Variants in CAST observed in about 807,000 individuals in gnomAD.
CAST encodes MIR583 host.
In CAST, 76 loss-of-function variants were observed where a neutral mutation model predicts 119.6. That is an observed-to-expected ratio of 0.64 (90% CI 0.53 to 0.77). The LOEUF is 0.77. Ranked by LOEUF, CAST falls within the 30% of genes least tolerant of loss-of-function variation. The probability of loss-of-function intolerance (pLI) is 0.00; values close to 1 mark genes in which losing one functional copy is unlikely to be tolerated. For missense variants in CAST, 953 were observed against 946.5 expected, an observed-to-expected ratio of 1.01 and a Z score of -0.09; for synonymous variants, 319 against 331.6, an observed-to-expected ratio of 0.96 and a Z score of 0.41.
the CAST span, among the ~76,000 whole-genome samples, chr5:96,417,095 T>A: frequency 3.3e-5 from 5 of 152,210 alleles, no homozygotes; most frequent in Non-Finnish European, 1.5e-5. Context: ...AAGGGTTAGC[T>A]CGGAGCAATA....
intron 4 of CAST, among the ~76,000 whole-genome samples, chr5:96,723,096 C>T (rs1387629836): frequency 1.3e-5 from 2 of 152,008 alleles, no homozygotes; most frequent in Admixed American, 1.3e-4. Context: ...AGGCACACCA[C>T]CATGCCCGGC....
the CAST span, among the ~76,000 whole-genome samples, chr5:96,100,895 T>TATAA: frequency 6.6e-6 from 1 of 152,130 alleles, no homozygotes; most frequent in African/African-American, 2.4e-5. Context: ...ATATATGAAA[T>TATAA]ATAAATAAAT....
chr5:95,991,500 T>G, the CAST span, among the ~76,000 whole-genome samples: 2 of 129,224 alleles, frequency 1.5e-5, no homozygotes, highest in African/African-American at 6.5e-5. Flanking sequence ...AAGTTTTGTT[T>G]TTTTTTTTTT....
the CAST span, among the ~76,000 whole-genome samples, chr5:96,081,640 C>T: frequency 6.6e-6 from 1 of 152,108 alleles, no homozygotes; most frequent in Non-Finnish European, 1.5e-5. Flanking sequence ...TGGAGGACAA[C>T]TCAGCAAATA....
At chr5:96,481,223 C>T in the CAST span, among the ~76,000 whole-genome samples, 1 of 151,940 alleles carries the variant, frequency 6.6e-6, no homozygotes, top group East Asian at 1.9e-4. Flanking sequence ...ATGTGTCACA[C>T]TGCACAGCTG....
chr5:96,677,357 A>G (rs17399025), intron 2 of CAST, among the ~76,000 whole-genome samples: 6,332 of 152,334 alleles, frequency 0.042, 176 homozygotes, highest in Middle Eastern at 0.092. Flanking sequence ...AAACTTAAAT[A>G]TTACACCTTG....
chr5:96,501,404 C>CA, the CAST span, among the ~76,000 whole-genome samples: 8 of 151,398 alleles, frequency 5.3e-5, no homozygotes, highest in South Asian at 6.2e-4. Flanking sequence ...AAATATCAGT[C>CA]AAAAAAAACT....
At chr5:96,020,280 A>G in the CAST span, among the ~76,000 whole-genome samples, 1,323 of 152,336 alleles carry the variant, frequency 8.7e-3, 130 homozygotes, top group East Asian at 0.21. Flanking sequence ...CTTCTTTTAT[A>G]GTATGGCTCT....
At chr5:96,565,266 AATG>A (rs1746446037) in intron 1 of CAST, among the ~76,000 whole-genome samples, 1 of 152,080 alleles carries the variant, frequency 6.6e-6, no homozygotes, top group Admixed American at 6.6e-5. Flanking sequence ...GAGGATTTTA[AATG>A]ATATGATAAA....
the CAST span, among the ~76,000 whole-genome samples, chr5:96,145,584 C>T: frequency 5.9e-5 from 9 of 152,036 alleles, no homozygotes; most frequent in African/African-American, 2.2e-4. Context: ...AAGGTCATTG[C>T]AAGGAGCCAT....
the CAST span, among the ~76,000 whole-genome samples, chr5:96,406,759 G>T: frequency 6.6e-6 from 1 of 152,230 alleles, no homozygotes; most frequent in Non-Finnish European, 1.5e-5. Context: ...TCTCTCTAGA[G>T]AATATGTAAT....
chr5:96,030,636 G>A, the CAST span, among the ~76,000 whole-genome samples: 1 of 152,186 alleles, frequency 6.6e-6, no homozygotes. Context: ...GATGCCTGGG[G>A]ATGAGGGTAA....
intron 1 of CAST, among the ~76,000 whole-genome samples, chr5:96,632,668 G>GTCGAATAGT (rs368128254): frequency 0.31 from 46,470 of 151,936 alleles, 7,160 homozygotes; most frequent in African/African-American, 0.33. Context: ...AGTGGTCTCA[G>GTCGAATAGT]CGCTATTTGT....
the CAST span, among the ~76,000 whole-genome samples, chr5:96,056,229 C>T: frequency 6.6e-6 from 1 of 152,122 alleles, no homozygotes; most frequent in East Asian, 1.9e-4. Flanking sequence ...TTAGGTTTTG[C>T]TTTCTTGCAG....
the CAST span, among the ~76,000 whole-genome samples, chr5:96,297,670 G>A: frequency 4.6e-5 from 7 of 152,274 alleles, no homozygotes; most frequent in African/African-American, 1.4e-4. Flanking sequence ...GACAGAGGAG[G>A]CAAAGATGAA....
chr5:96,435,969 A>G, the CAST span, among the ~76,000 whole-genome samples: 2 of 152,252 alleles, frequency 1.3e-5, no homozygotes, highest in African/African-American at 4.8e-5. Context: ...CACAAAGTGG[A>G]CACAGTGTAA....
the CAST span, among the ~76,000 whole-genome samples, chr5:95,994,042 G>A: frequency 6.6e-6 from 1 of 152,054 alleles, no homozygotes; most frequent in Non-Finnish European, 1.5e-5. Flanking sequence ...AAGATGTGGG[G>A]CAACTGGAAC....
chr5:96,450,834 C>G, the CAST span, among the ~76,000 whole-genome samples: 30 of 152,334 alleles, frequency 2.0e-4, no homozygotes, highest in Admixed American at 1.7e-3. Context: ...GGTCTATTTT[C>G]ATCCTCTGTG....
chr5:96,017,847 G>A, the CAST span, among the ~76,000 whole-genome samples: 1 of 152,022 alleles, frequency 6.6e-6, no homozygotes, highest in African/African-American at 2.4e-5. Context: ...CACAAAATAC[G>A]AAATGTGTCT....
Sources: allele counts gnomAD v4.1 joint callset (sites outside exome capture counted in the v4.1 genomes callset), GRCh38; gene constraint gnomAD v4.1.1; transcripts MANE v1.5; gene names NCBI Gene and HGNC (gene_info 2026-07-23, HGNC 2026-07-21).